Variants in CLUL1 observed in about 807,000 individuals in gnomAD.
CLUL1 encodes clusterin like 1.
A neutral mutation model predicts 49.4 loss-of-function variants in CLUL1; 43 were observed. The observed-to-expected ratio is 0.87, with a 90% CI of 0.68 to 1.12. CLUL1 has a LOEUF of 1.12. Ranked by LOEUF, CLUL1 falls within the 50% of genes most tolerant of loss-of-function variation. CLUL1 has a pLI of 0.00. For synonymous variants in CLUL1, 192 were observed against 184.9 expected, an observed-to-expected ratio of 1.04 and a Z score of -0.31; for missense variants, 486 against 544.4, an observed-to-expected ratio of 0.89 and a Z score of 1.07.
At chr18:619,107 A>G (rs1253114188) in intron 3 of CLUL1, 106 bp from the exon 4 acceptor site, 2 of 1,099,026 alleles carry the variant, frequency 1.8e-6, no homozygotes, top group African/African-American at 1.6e-5. Flanking sequence ...ATATGAGCCT[A>G]TAAGAGAACA....
chr18:625,898 C>T (rs979885484), intron 5 of CLUL1, among the ~76,000 whole-genome samples: 4 of 152,162 alleles, frequency 2.6e-5, no homozygotes, highest in Non-Finnish European at 5.9e-5. Context: ...ATTGCATCTG[C>T]TCTATTTTTA....
chr18:627,154 G>A lies in CLUL1; in HGVS notation c.481G>A (p.Glu161Lys). The A allele has an allele frequency of 6.2e-7, 1 of 1,613,034 alleles. No individual in the cohort carries two copies. ...QFLFPFHEDN[E>K]KDLPISEKLI... Reference sequence around the variant, plus strand: ...TCTATTTCCTTTCCATGAAGATAATGAAAAAGATCTCCCCATCAGTGAAAA... The same window carrying A: ...TCTATTTCCTTTCCATGAAGATAATAAAAAAGATCTCCCCATCAGTGAAAA... Residue 161 changes from glutamate to lysine, a missense_variant, in exon 6 of 10, where the codon GAA becomes AAA. Transcript: ENST00000692774.
At chr18:627,948 C>G (rs2073859947) in intron 6 of CLUL1, among the ~76,000 whole-genome samples, 1 of 152,188 alleles carries the variant, frequency 6.6e-6, no homozygotes, top group African/African-American at 2.4e-5. Context: ...CTCAGCCTCC[C>G]AAGTAGCTGG....
intron 6 of CLUL1, among the ~76,000 whole-genome samples, chr18:630,765 C>A (rs1403218275): frequency 7.3e-6 from 1 of 137,804 alleles, no homozygotes; most frequent in Non-Finnish European, 1.5e-5. Context: ...TGGCTCAGTA[C>A]AACCTCCGCC....
intron 2 of CLUL1, among the ~76,000 whole-genome samples, 182 bp from the exon 3 acceptor site, chr18:617,806 G>C (rs187911981): frequency 2.0e-4 from 31 of 152,080 alleles, no homozygotes; most frequent in Admixed American, 1.3e-3. Flanking sequence ...ACTAGAATTT[G>C]TTTGTTTTTT....
At chr18:641,228 G>A in intron 7 of CLUL1, 99 bp from the exon 8 acceptor site, 26 of 928,182 alleles carry the variant, frequency 2.8e-5, no homozygotes, top group Non-Finnish European at 2.0e-5. Context: ...AGGCAAAAGG[G>A]GAAAATAGAG....
intron 1 of CLUL1, among the ~76,000 whole-genome samples, chr18:600,753 T>A (rs1189506536): frequency 6.6e-6 from 1 of 152,226 alleles, no homozygotes; most frequent in African/African-American, 2.4e-5. Flanking sequence ...AGTCACCAGA[T>A]CCCAGTTAGA....
rs2073817278 is a variant in CLUL1 at position 627,013 on chromosome 18, AAGAAAGAAAG to A, written c.424-82_424-73del. The A allele has an allele frequency of 2.2e-4, 7 of 32,248 alleles. 3 individuals are homozygous for A. Among genetic ancestry groups the A allele is most frequent in the African/African-American group, 1.0e-3 (7 of 6,906 alleles). The allele number at this position is 32,248 out of a possible 1,614,324, so 2.0% of individuals were successfully genotyped here. A position where few individuals can be genotyped will look rare whatever the true frequency, so the allele number is the denominator to read the frequency against. On this transcript the variant is annotated intron_variant, in intron 5 of 9. Coordinates refer to ENST00000692774, the MANE Select transcript of CLUL1 (RefSeq NM_001393344.1). The stretch of plus-strand genomic sequence containing the variant: ...AAGGAAGGAAGGAAGGAAGGAAAGA[AAGAAAGAAAG>A]AAAGAAAAGAAAGAAAGAGTCGAGA...
chr18:650,049 T>A lies in CLUL1; in HGVS notation c.*148T>A. The A allele has an allele frequency of 3.6e-6, 2 of 557,144 alleles. No individual in the cohort carries two copies. Among genetic ancestry groups the A allele is most frequent in the Non-Finnish European group, 6.3e-6 (2 of 315,818 alleles). The allele number at this position is 557,144 out of a possible 1,614,324, so 34.5% of individuals were successfully genotyped here. ...CTATGAAGTACTCTTAGTTTACTTA[T>A]GTTGAATGGCTTAGCTATTAATACT... On this transcript the variant is annotated 3_prime_UTR_variant, in exon 10 of 10. Coordinates refer to ENST00000692774, the MANE Select transcript of CLUL1 (RefSeq NM_001393344.1).
At chr18:635,612 G>A (rs183710390) in intron 7 of CLUL1, among the ~76,000 whole-genome samples, 2 of 152,188 alleles carry the variant, frequency 1.3e-5, no homozygotes, top group African/African-American at 2.4e-5. Flanking sequence ...CCACAGTGAA[G>A]ACCACTGGAG....
At chr18:640,878 T>C (rs548561748) in intron 7 of CLUL1, among the ~76,000 whole-genome samples, 1 of 152,220 alleles carries the variant, frequency 6.6e-6, no homozygotes, top group African/African-American at 2.4e-5. Flanking sequence ...ACTTTTGGTC[T>C]TAATTTAAAG....
At chr18:648,687 C>T (rs1369989387) in intron 9 of CLUL1, among the ~76,000 whole-genome samples, 3 of 152,138 alleles carry the variant, frequency 2.0e-5, no homozygotes, top group African/African-American at 2.4e-5. Flanking sequence ...GAGACAGTCT[C>T]TCTCTGTTGC....
chr18:631,721 A>G (rs955916927), intron 6 of CLUL1, among the ~76,000 whole-genome samples: 3 of 152,228 alleles, frequency 2.0e-5, no homozygotes, highest in Admixed American at 1.3e-4. Flanking sequence ...AGATTAGTGA[A>G]CAATTACATC....
chr18:607,121 T>C (rs1177224860), intron 2 of CLUL1, 22 bp downstream of exon 2: 1 of 701,376 alleles, frequency 1.4e-6, no homozygotes, highest in African/African-American at 1.7e-5. Context: ...TATACCCGTC[T>C]ATCTTTTATT....
rs1329984109 is a variant in CLUL1 at position 606,076 on chromosome 18, TAAGA to T, written c.-135-900_-135-897del. Among the ~76,000 whole-genome samples the T allele has an allele frequency of 1.3e-5, 2 of 152,130 alleles. No homozygotes were observed. Among genetic ancestry groups the T allele is most frequent in the African/African-American group, 4.8e-5 (2 of 41,414 alleles). On this transcript the variant is annotated intron_variant, in intron 1 of 9. Coordinates refer to ENST00000692774, the MANE Select transcript of CLUL1 (RefSeq NM_001393344.1). This position sits in a 1 kb window ranked among gnomAD's most constrained non-coding sequence, Gnocchi z 4.1. ...TCCAAGATCACTCTGGAAGAATATT[TAAGA>T]ATATACCAAATAAGAATATGCAAGT...
intron 6 of CLUL1, among the ~76,000 whole-genome samples, chr18:628,951 G>C (rs1021066450): frequency 6.6e-6 from 1 of 151,076 alleles, no homozygotes; most frequent in African/African-American, 2.4e-5. Context: ...CACCCAGCCA[G>C]CCACCACTCC....
Position 627,556 on chromosome 18 carries a change from T to C in CLUL1, c.856+27T>C, listed in dbSNP as rs372083400. On this transcript the variant is annotated intron_variant, in intron 6 of 9. Transcript: ENST00000692774. ...CAAGTATTAAAAGATTACTTTTACT[T>C]AGAGGTTTACACTAAAGTCAAGTTT... 6.6e-6 allele frequency: 10 copies of C among 1,518,666 alleles called. No homozygotes were observed. The African/African-American group carries it at 1.4e-4, about 21-fold the overall frequency. The allele number at this position is 1,518,666 out of a possible 1,614,324, so 94.1% of individuals were successfully genotyped here.
chr18:602,320 C>T (rs2072855040), intron 1 of CLUL1, among the ~76,000 whole-genome samples: 1 of 152,144 alleles, frequency 6.6e-6, no homozygotes, highest in Non-Finnish European at 1.5e-5. Context: ...TCCCCCTCTC[C>T]TCCAGATCTA....
intron 4 of CLUL1, among the ~76,000 whole-genome samples, chr18:623,222 A>G (rs1418373889): frequency 6.6e-6 from 1 of 152,052 alleles, no homozygotes; most frequent in Non-Finnish European, 1.5e-5. Context: ...TAGCAGAGAC[A>G]GGGTTTTACT....
Sources: gnomAD v4.1 joint callset for allele counts (sites outside exome capture counted in the v4.1 genomes callset) on GRCh38, gnomAD v4.1.1 for gene constraint, Gnocchi (gnomAD v3.1) non-coding constraint, MANE v1.5 for transcripts, NCBI Gene and HGNC (gene_info 2026-07-23, HGNC 2026-07-21) for gene names.